Variants in PRIM2 observed in about 807,000 individuals in gnomAD.
PRIM2 encodes the protein DNA primase subunit 2.
Under a neutral mutation model 67.3 loss-of-function variants are expected in PRIM2, and 39 were observed. The observed-to-expected ratio is 0.58, with a 90% CI of 0.45 to 0.76. The LOEUF (loss-of-function observed/expected upper bound fraction) is 0.76, where lower values mean the gene tolerates loss of function less well. Among genes scored for constraint, PRIM2 ranks in the 30% least tolerant of loss-of-function variants. The probability of loss-of-function intolerance (pLI) is 0.00; values close to 1 mark genes in which losing one functional copy is unlikely to be tolerated. For missense variants in PRIM2, 398 were observed against 598.7 expected, an observed-to-expected ratio of 0.66 and a Z score of 3.50; for synonymous variants, 143 against 198.7, an observed-to-expected ratio of 0.72 and a Z score of 2.36.
intron 7 of PRIM2, among the ~76,000 whole-genome samples, chr6:57,501,975 A>G (rs1303873008): frequency 3.3e-5 from 5 of 152,108 alleles, no homozygotes; most frequent in African/African-American, 1.2e-4. Context: ...TGTTGGGAAA[A>G]TATATATTCA....
At chr6:57,466,213 G>A (rs1258131479) in intron 7 of PRIM2, among the ~76,000 whole-genome samples, 2 of 152,102 alleles carry the variant, frequency 1.3e-5, no homozygotes, top group African/African-American at 4.8e-5. Flanking sequence ...TCTTTATCAA[G>A]TCTATCATTG....
chr6:57,588,552 C>G (rs1441829817), intron 10 of PRIM2, among the ~76,000 whole-genome samples: 260 of 151,780 alleles, frequency 1.7e-3, no homozygotes, highest in Middle Eastern at 0.01. Context: ...CTCTTGAGCA[C>G]TGGGCAATTC....
chr6:57,586,250 G>A (rs1776185052), intron 10 of PRIM2, among the ~76,000 whole-genome samples: 3 of 152,222 alleles, frequency 2.0e-5, no homozygotes. Context: ...TTGAGCGCTA[G>A]CCTGGAGTCA....
intron 10 of PRIM2, among the ~76,000 whole-genome samples, chr6:57,573,278 A>T (rs1775895773): frequency 6.6e-6 from 1 of 152,190 alleles, no homozygotes; most frequent in African/African-American, 2.4e-5. Context: ...GCTCATTTGT[A>T]TGCTATATAG....
At chr6:57,569,972 G>T (rs1775831191) in intron 10 of PRIM2, among the ~76,000 whole-genome samples, 1 of 152,112 alleles carries the variant, frequency 6.6e-6, no homozygotes, top group Non-Finnish European at 1.5e-5. Context: ...TCGATCTCTT[G>T]ACCTCATGAT....
chr6:57,357,116 T>G (rs1769055238), intron 5 of PRIM2, among the ~76,000 whole-genome samples: 1 of 151,984 alleles, frequency 6.6e-6, no homozygotes, highest in Non-Finnish European at 1.5e-5. Flanking sequence ...GTAGCTTTAG[T>G]AGAGACAGGG....
intron 8 of PRIM2, among the ~76,000 whole-genome samples, chr6:57,520,129 A>G (rs1372697738): frequency 6.6e-6 from 1 of 152,206 alleles, no homozygotes; most frequent in Non-Finnish European, 1.5e-5. Context: ...TTGGACTGTG[A>G]CTTTTAATAA....
chr6:57,567,811 T>G (rs1775773431), intron 10 of PRIM2, among the ~76,000 whole-genome samples: 2 of 152,202 alleles, frequency 1.3e-5, no homozygotes, highest in Non-Finnish European at 2.9e-5. Context: ...TAAAAGATCC[T>G]TTTAGCAGGC....
intron 7 of PRIM2, among the ~76,000 whole-genome samples, chr6:57,398,760 G>A (rs989770763): frequency 6.6e-6 from 1 of 152,090 alleles, no homozygotes; most frequent in Non-Finnish European, 1.5e-5. Flanking sequence ...AAGTTTCACA[G>A]TATTATTTTG....
chr6:57,599,138 G>C, intron 10 of PRIM2, among the ~76,000 whole-genome samples: 1 of 63,950 alleles, frequency 1.6e-5, no homozygotes, highest in Non-Finnish European at 3.0e-5. Flanking sequence ...AGTAGAGACG[G>C]GGTTTCACCG....
chr6:57,470,507 G>C (rs1773313922), intron 7 of PRIM2, among the ~76,000 whole-genome samples: 3 of 123,850 alleles, frequency 2.4e-5, no homozygotes, highest in Non-Finnish European at 3.4e-5. Flanking sequence ...GGCAGTCGTA[G>C]CTTCTCCCAA....
At chr6:57,437,544 G>GT (rs1429178096) in intron 7 of PRIM2, among the ~76,000 whole-genome samples, 1 of 151,638 alleles carries the variant, frequency 6.6e-6, no homozygotes, top group Non-Finnish European at 1.5e-5. Flanking sequence ...GGAACAAAAA[G>GT]TTTTTTTGAG....
chr6:57,579,378 T>A (rs1210388655), intron 10 of PRIM2, among the ~76,000 whole-genome samples: 1 of 152,180 alleles, frequency 6.6e-6, no homozygotes, highest in African/African-American at 2.4e-5. Flanking sequence ...CTCATCACAT[T>A]TGTCATTTCA....
At chr6:57,419,016 T>G (rs1771374381) in intron 7 of PRIM2, among the ~76,000 whole-genome samples, 1 of 152,212 alleles carries the variant, frequency 6.6e-6, no homozygotes, top group African/African-American at 2.4e-5. Context: ...TACTTTTACT[T>G]TATTGAGTTG....
At chr6:57,613,143 G>A (rs2127494778) in intron 12 of PRIM2, among the ~76,000 whole-genome samples, 1 of 151,948 alleles carries the variant, frequency 6.6e-6, no homozygotes, top group African/African-American at 2.4e-5. Context: ...AGCATAATGA[G>A]CCAAAATATT....
chr6:57,556,910 G>T (rs2127476824), intron 10 of PRIM2, among the ~76,000 whole-genome samples: 1 of 148,374 alleles, frequency 6.7e-6, no homozygotes, highest in East Asian at 2.0e-4. Context: ...GCATCTATAA[G>T]GAACTTAAAT....
At position 57,475,493 on chromosome 6, in the gene PRIM2, G is replaced by A. The variant is rs1323937301; in HGVS notation, c.694-31894G>A. Reference sequence around the variant, plus strand: ...GTGACTGGTTTCTTTCAGGTAGCACGTTTTTAAGGTTCATCCATTTTGTAG... The same window carrying A: ...GTGACTGGTTTCTTTCAGGTAGCACATTTTTAAGGTTCATCCATTTTGTAG... On this transcript the variant is annotated intron_variant, in intron 7 of 13. Coordinates refer to ENST00000615550, the MANE Select transcript of PRIM2 (RefSeq NM_000947.5). 3.4e-3 allele frequency among the ~76,000 whole-genome samples: 514 copies of A among 152,012 alleles called. 2 individuals carry two copies. Among genetic ancestry groups the A allele is most frequent in the African/African-American group, 0.012 (494 of 41,512 alleles).
intron 10 of PRIM2, among the ~76,000 whole-genome samples, chr6:57,571,689 A>G (rs1775865976): frequency 6.6e-6 from 1 of 151,988 alleles, no homozygotes; most frequent in Non-Finnish European, 1.5e-5. Context: ...AAAAAACACA[A>G]CAACAGTGAA....
At chr6:57,397,584 T>G (rs1423159393) in intron 7 of PRIM2, among the ~76,000 whole-genome samples, 1 of 152,160 alleles carries the variant, frequency 6.6e-6, no homozygotes, top group Non-Finnish European at 1.5e-5. Flanking sequence ...TTGTATCATT[T>G]TTTGGATTTC....
Sources: gnomAD v4.1 joint callset for allele counts (sites outside exome capture counted in the v4.1 genomes callset) on GRCh38, gnomAD v4.1.1 for gene constraint, MANE v1.5 for transcripts, NCBI Gene and HGNC (gene_info 2026-07-23, HGNC 2026-07-21) for gene names.